UTP20: variants seen among roughly 807,000 people sequenced by gnomAD.
The protein encoded by UTP20 is small subunit processome component 20 homolog.
UTP20 carries 164 observed loss-of-function variants against 329.5 expected under a neutral mutation model. The observed-to-expected ratio is 0.50, with a 90% CI of 0.44 to 0.57. The LOEUF (loss-of-function observed/expected upper bound fraction) is 0.57. Among genes scored for constraint, UTP20 ranks in the 20% least tolerant of loss-of-function variants. The probability of loss-of-function intolerance (pLI) is 0.00; values close to 1 mark genes in which losing one functional copy is unlikely to be tolerated. For synonymous variants in UTP20, 1,151 were observed against 1,159.3 expected (o/e 0.99, Z 0.14); for missense variants, 3,055 against 3,284.2 (o/e 0.93, Z 1.71).
intron 43 of UTP20, among the ~76,000 whole-genome samples, chr12:101,359,022 A>G (rs1869820779): frequency 6.6e-6 from 1 of 152,076 alleles, no homozygotes; most frequent in East Asian, 1.9e-4. Context: ...GAGCTTCTTG[A>G]CCAAATTTGA....
At chr12:101,346,667 G>A in intron 38 of UTP20, 79 bp downstream of exon 38, 1 of 1,417,398 alleles carries the variant, frequency 7.1e-7, no homozygotes, top group Non-Finnish European at 9.4e-7. Context: ...TGGAGTTGGT[G>A]GTGTTTGTGT....
At chr12:101,382,600 C>T (rs1273966392) in intron 58 of UTP20, among the ~76,000 whole-genome samples, 2 of 151,748 alleles carry the variant, frequency 1.3e-5, no homozygotes, top group Non-Finnish European at 2.9e-5. Flanking sequence ...CACCTGTAAT[C>T]GCATCACTTT....
intron 10 of UTP20, 91 bp from the exon 11 acceptor site, chr12:101,293,076 GT>G: frequency 7.8e-7 from 1 of 1,276,430 alleles, no homozygotes. Flanking sequence ...TGAGTGAAGT[GT>G]CCCTGCCATT....
At position 101,321,492 on chromosome 12, in the gene UTP20, C is replaced by G. The variant is rs1868373158; in HGVS notation, c.2916-12C>G. 2.5e-6 allele frequency: 4 copies of G among 1,611,668 alleles called. No homozygotes were observed. The highest frequency in any genetic ancestry group is 2.5e-6 in the Non-Finnish European group (3 of 1,178,842). On this transcript the variant is annotated splice_polypyrimidine_tract_variant and intron_variant, in intron 24 of 61. Coordinates refer to ENST00000261637, the MANE Select transcript of UTP20 (RefSeq NM_014503.3). The stretch of plus-strand genomic sequence containing the variant: ...ATAAAGTGGTGATTTGTGCTGTTCT[C>G]TGTTTTTAAAGGGAAAACTTACAAA...
chr12:101,381,157 C>T lies in UTP20; in HGVS notation c.7602C>T (p.Leu2534=), dbSNP rs372963217. The T allele has an allele frequency of 1.6e-4, 259 of 1,613,812 alleles. No homozygotes were observed. Among genetic ancestry groups the T allele is most frequent in the East Asian group, 6.7e-4 (30 of 44,884 alleles). The change falls in exon 58 of 62, where the codon CTC becomes CTT. Residue 2534 remains leucine, a synonymous_variant. Transcript: ENST00000261637. The part of the protein sequence containing the change: ...DLDQKMKSIS[L]ASCHQLHSKF... The stretch of plus-strand genomic sequence containing the variant: ...TTTCACAGATGAAAAGTATCTCTCT[C>T]GCCTCTTGCCATCAATTGCATTCCA...
intron 12 of UTP20, among the ~76,000 whole-genome samples, chr12:101,296,166 T>C (rs1302968393): frequency 1.3e-5 from 2 of 152,238 alleles, no homozygotes; most frequent in African/African-American, 4.8e-5. Flanking sequence ...TGTATACTTA[T>C]ATAGATATAT....
intron 1 of UTP20, 133 bp downstream of exon 1, chr12:101,280,460 A>C: frequency 9.1e-7 from 1 of 1,104,152 alleles, no homozygotes; most frequent in South Asian, 1.5e-5. Flanking sequence ...CCGGCGAAAG[A>C]GGGAGACACT....
chr12:101,305,907 C>T lies in UTP20; in HGVS notation c.1782-8C>T, dbSNP rs769910969. ...TACAGTTTGGGTCTAATGAACATCT[C>T]GTTGCAGAACCTTTCCCCTGGAGCC... On this transcript the variant is annotated splice_polypyrimidine_tract_variant and splice_region_variant and intron_variant, in intron 15 of 61. Coordinates refer to ENST00000261637, the MANE Select transcript of UTP20 (RefSeq NM_014503.3). The T allele has an allele frequency of 1.3e-5, 20 of 1,588,338 alleles. No individual in the cohort carries two copies. The East Asian group carries it at 1.6e-4, about 13-fold the overall frequency.
At chr12:101,342,876 A>T (rs1215433957) in intron 34 of UTP20, 39 bp downstream of exon 34, 7 of 1,610,402 alleles carry the variant, frequency 4.3e-6, no homozygotes, top group Non-Finnish European at 5.1e-6. Flanking sequence ...CAAAAGTATT[A>T]TCATTTTTGT....
At chr12:101,282,683 A>G (rs1488547361) in intron 2 of UTP20, among the ~76,000 whole-genome samples, 4 of 152,204 alleles carry the variant, frequency 2.6e-5, no homozygotes, top group Non-Finnish European at 4.4e-5. Context: ...GTGTGGAGAA[A>G]AGAGCAGGAC....
intron 28 of UTP20, 141 bp downstream of exon 28, chr12:101,333,585 A>G (rs1868833844): frequency 9.0e-7 from 1 of 1,107,808 alleles, no homozygotes; most frequent in Admixed American, 2.4e-5. Context: ...GGAAGTTTTT[A>G]GAACACTTTT....
intron 1 of UTP20, among the ~76,000 whole-genome samples, chr12:101,280,753 A>G (rs879052518): frequency 1.3e-5 from 2 of 152,176 alleles, no homozygotes; most frequent in African/African-American, 4.8e-5. Context: ...GGATACAATC[A>G]TAGGTCTGTA....
chr12:101,289,250 A>C (rs1440307163), intron 6 of UTP20, among the ~76,000 whole-genome samples: 3 of 151,948 alleles, frequency 2.0e-5, no homozygotes, highest in African/African-American at 7.3e-5. Context: ...GGTGGCGCGC[A>C]CCTGTATCCT....
At chr12:101,324,116 G>A (rs1338962116) in intron 25 of UTP20, among the ~76,000 whole-genome samples, 2 of 151,478 alleles carry the variant, frequency 1.3e-5, no homozygotes, top group Admixed American at 1.3e-4. Flanking sequence ...CAGCCTGGAT[G>A]ACAGAGCGAG....
intron 19 of UTP20, among the ~76,000 whole-genome samples, chr12:101,311,014 A>G (rs1872773278): frequency 6.6e-6 from 1 of 152,240 alleles, no homozygotes; most frequent in Non-Finnish European, 1.5e-5. Flanking sequence ...ACTGAATGCC[A>G]TGAGGCATTC....
At chr12:101,372,378 C>T (rs2121034176) in intron 51 of UTP20, among the ~76,000 whole-genome samples, 1 of 152,336 alleles carries the variant, frequency 6.6e-6, no homozygotes, top group South Asian at 2.1e-4. Context: ...AGAAAATGGG[C>T]TATTATCACG....
intron 37 of UTP20, among the ~76,000 whole-genome samples, 174 bp downstream of exon 37, chr12:101,345,868 A>G (rs754705534): frequency 1.3e-5 from 2 of 152,138 alleles, no homozygotes; most frequent in South Asian, 2.1e-4. Context: ...CCTGGATTCT[A>G]ATTTCTTTGG....
In UTP20 at chr12:101,285,631, A is replaced by G. The variant is rs756918885; in HGVS notation, c.188A>G (p.His63Arg). 2 of 1,613,834 alleles carry G rather than the reference A, an allele frequency of 1.2e-6. No individual in the cohort carries two copies. Among genetic ancestry groups the G allele is most frequent in the Admixed American group, 3.3e-5 (2 of 60,008 alleles). Residue 63 changes from histidine (H) to arginine (R), a missense_variant, in exon 3 of 62, where the codon CAC becomes CGC. Around this residue, in one of 3 missense-constraint regions of UTP20, gnomAD observed 2,445 missense variants for 2,575.5 expected, o/e 0.95. Transcript: ENST00000261637. ...LKWRELNLTE[H>R]FGKFYKEVID... is the part of the protein sequence containing the mutation. ...TGGAGAGAATTAAACCTCACAGAAC[A>G]CTTCGGTATTTTCTATTTCGTTTCT... is the stretch of plus-strand genomic sequence containing the variant.
At chr12:101,313,047 T>A (rs1303118784) in intron 21 of UTP20, among the ~76,000 whole-genome samples, 1 of 152,166 alleles carries the variant, frequency 6.6e-6, no homozygotes, top group Non-Finnish European at 1.5e-5. Flanking sequence ...TGGGGCCTCT[T>A]GATGTTTCTG....
Sources: allele counts gnomAD v4.1 joint callset (sites outside exome capture counted in the v4.1 genomes callset), GRCh38; gene constraint gnomAD v4.1.1; regional missense constraint gnomAD v4.1.1; transcripts MANE v1.5; gene names NCBI Gene and HGNC (gene_info 2026-07-23, HGNC 2026-07-21).